The following CDK17 variants were observed in gnomAD, a reference collection of about 807,000 sequenced individuals.
The protein encoded by CDK17 is cyclin dependent kinase 17.
Under a neutral mutation model 77.6 loss-of-function variants are expected in CDK17, and 24 were observed. The ratio of observed to expected loss-of-function variants is 0.31; its 90% CI spans 0.22 to 0.44. The LOEUF (loss-of-function observed/expected upper bound fraction) is 0.44, where lower values mean the gene tolerates loss of function less well. CDK17 is among the 20% of genes least tolerant of loss of function. The pLI is 1.00. For missense variants in CDK17, 429 were observed against 622.5 expected (o/e 0.69, Z 3.31); for synonymous variants, 203 against 210.4 (o/e 0.96, Z 0.30).
intron 1 of CDK17, among the ~76,000 whole-genome samples, chr12:96,368,540 T>C (rs1055087552): frequency 6.6e-6 from 1 of 152,148 alleles, no homozygotes; most frequent in Non-Finnish European, 1.5e-5. Context: ...CCGTGCCTCC[T>C]AAAATTTGAG....
In CDK17 at chr12:96,370,413, C is replaced by T. The variant is rs543440559; in HGVS notation, c.-30+29573G>A. On this transcript the variant is annotated intron_variant, in intron 1 of 16. Coordinates refer to ENST00000261211, the MANE Select transcript of CDK17 (RefSeq NM_002595.5). ...AACTATTTATAGTAGAAGTTACCTG[C>T]GAGTAACTTCCACAATGGAATTTAA... Among the ~76,000 whole-genome samples the T allele has an allele frequency of 3.2e-4, 49 of 152,224 alleles. No homozygotes were observed. The South Asian group carries it at 6.0e-3, about 19-fold the overall frequency.
In CDK17 at chr12:96,323,908, A is replaced by T. The variant is rs1222310950; in HGVS notation, c.283+40T>A. The T allele has an allele frequency of 1.6e-5, 23 of 1,459,026 alleles. 1 individual carries two copies. The highest frequency in any genetic ancestry group is 3.6e-4 in the Middle Eastern group (2 of 5,596). The allele number at this position is 1,459,026 out of a possible 1,614,324, so 90.4% of individuals were successfully genotyped here. On this transcript the variant is annotated intron_variant, in intron 3 of 16. Coordinates refer to ENST00000261211, the MANE Select transcript of CDK17 (RefSeq NM_002595.5). ...AAACTTAACTATGTGCATGACGTAT[A>T]ATCAGAAAGGTAAACACAACAGACA... is the stretch of plus-strand genomic sequence containing the variant.
At chr12:96,294,944 A>T in intron 10 of CDK17, 55 bp downstream of exon 10, 3 of 1,468,404 alleles carry the variant, frequency 2.0e-6, no homozygotes, top group Non-Finnish European at 1.8e-6. Flanking sequence ...TTGATCTTTT[A>T]ACCATTACAC....
chr12:96,388,485 T>C (rs991236715), intron 1 of CDK17, among the ~76,000 whole-genome samples: 4 of 151,908 alleles, frequency 2.6e-5, no homozygotes, highest in African/African-American at 9.7e-5. Flanking sequence ...CTGGTGGGAG[T>C]AGAGGCATAT....
At chr12:96,375,575 C>T (rs1953766086) in intron 1 of CDK17, among the ~76,000 whole-genome samples, 2 of 138,494 alleles carry the variant, frequency 1.4e-5, no homozygotes, top group Middle Eastern at 4.1e-3. Context: ...AGTACAATGG[C>T]GCGATCTCAG....
intron 1 of CDK17, among the ~76,000 whole-genome samples, chr12:96,345,483 G>A (rs529215468): frequency 4.6e-5 from 7 of 152,164 alleles, no homozygotes; most frequent in Non-Finnish European, 7.4e-5. Flanking sequence ...AACCTTGCCA[G>A]TATCTGTTGT....
At chr12:96,390,456 C>G (rs1954049005) in intron 1 of CDK17, among the ~76,000 whole-genome samples, 1 of 148,404 alleles carries the variant, frequency 6.7e-6, no homozygotes, top group African/African-American at 2.5e-5. Context: ...CGCCTTTAAT[C>G]CCAGCACTTT....
chr12:96,282,216 G>A (rs1346393503), intron 15 of CDK17: 1 of 272,016 alleles, frequency 3.7e-6, no homozygotes, highest in African/African-American at 2.2e-5. Flanking sequence ...TGGGCCTAGG[G>A]ACAATGCCTG....
intron 13 of CDK17, chr12:96,284,585 G>A (rs1339139135): frequency 6.8e-6 from 1 of 147,086 alleles, no homozygotes; most frequent in Admixed American, 6.7e-5. Context: ...TTTTTGAGAT[G>A]GTGTTTCGCT....
At chr12:96,298,398 G>A (rs1952442978) in intron 7 of CDK17, among the ~76,000 whole-genome samples, 1 of 151,678 alleles carries the variant, frequency 6.6e-6, no homozygotes, top group Non-Finnish European at 1.5e-5. Flanking sequence ...ATCATCTTCT[G>A]TATTTTTCCT....
chr12:96,395,300 T>C (rs1368722186), intron 1 of CDK17, among the ~76,000 whole-genome samples: 1 of 152,254 alleles, frequency 6.6e-6, no homozygotes, highest in East Asian at 1.9e-4. Context: ...GTACTTTAAA[T>C]CGCATTTTGA....
At chr12:96,331,064 C>T (rs1047916774) in intron 2 of CDK17, among the ~76,000 whole-genome samples, 19 of 152,112 alleles carry the variant, frequency 1.2e-4, no homozygotes, top group African/African-American at 4.3e-4. Context: ...CTCCTGCCTC[C>T]TGAGCAGGTG....
chr12:96,297,198 T>C (rs1592710839), intron 9 of CDK17, 72 bp downstream of exon 9: 3 of 904,676 alleles, frequency 3.3e-6, no homozygotes, highest in East Asian at 2.6e-5. Flanking sequence ...ATGAGGCTGG[T>C]ACATTTCATT....
chr12:96,392,910 G>A (rs1440205239), intron 1 of CDK17, among the ~76,000 whole-genome samples: 7 of 152,160 alleles, frequency 4.6e-5, no homozygotes. Context: ...TATCTTATAT[G>A]TTACAATATT....
intron 6 of CDK17, among the ~76,000 whole-genome samples, chr12:96,299,650 A>C (rs1952468947): frequency 6.6e-6 from 1 of 152,182 alleles, no homozygotes; most frequent in Non-Finnish European, 1.5e-5. Context: ...TGGCCTCCCA[A>C]AATGCTGGGA....
At chr12:96,290,759 T>C (rs1952313224) in intron 10 of CDK17, among the ~76,000 whole-genome samples, 1 of 152,166 alleles carries the variant, frequency 6.6e-6, no homozygotes, top group African/African-American at 2.4e-5. Flanking sequence ...TAACATACCA[T>C]ATCAAGGCAA....
intron 1 of CDK17, among the ~76,000 whole-genome samples, chr12:96,367,344 CAAAAAAAAAAAA>C (rs56689330): frequency 3.2e-5 from 2 of 63,484 alleles, no homozygotes; most frequent in Admixed American, 2.6e-4. Flanking sequence ...GACTCCACCT[CAAAAAAAAAAAA>C]AAAAAAAAAA....
intron 1 of CDK17, chr12:96,335,200 G>A (rs1953025507): frequency 8.5e-6 from 3 of 351,232 alleles, no homozygotes. Context: ...TTGATGCTTA[G>A]GTTCCATAAC....
chr12:96,343,652 C>G (rs892071140), intron 1 of CDK17, among the ~76,000 whole-genome samples: 2 of 152,184 alleles, frequency 1.3e-5, no homozygotes, highest in Admixed American at 1.3e-4. Context: ...ACTTCAGTGA[C>G]TATACACACA....
Sources: gnomAD v4.1 joint callset for allele counts (sites outside exome capture counted in the v4.1 genomes callset) on GRCh38, gnomAD v4.1.1 for gene constraint, MANE v1.5 for transcripts, NCBI Gene and HGNC (gene_info 2026-07-23, HGNC 2026-07-21) for gene names.